Variants in B3GALT5 observed in about 807,000 individuals in gnomAD.
B3GALT5 encodes beta-1,3-galactosyltransferase 5.
For synonymous variants in B3GALT5, 156 were observed against 158.6 expected (o/e 0.98, Z 0.12); for missense variants, 328 against 396.6 (o/e 0.83, Z 1.47).
Position 39,664,263 on chromosome 21 carries a change from C to T in B3GALT5, c.*2771C>T, listed in dbSNP as rs1481501446. 1.3e-5 allele frequency: 2 copies of T among 152,414 alleles called. No homozygotes were observed. Among genetic ancestry groups the T allele is most frequent in the African/African-American group, 4.8e-5 (2 of 41,430 alleles). 9.4% of individuals were successfully genotyped at this position (152,414 alleles called of 1,614,324 possible). A position where few individuals can be genotyped will look rare whatever the true frequency, so the allele number is the denominator to read the frequency against. ...ATTGCATTGGCTGCTCCCACTGCCTCTCTGGGGTGCCTCCTCAGACTCCCC... is the reference window on the plus strand; with the variant it reads ...ATTGCATTGGCTGCTCCCACTGCCTTTCTGGGGTGCCTCCTCAGACTCCCC... On this transcript the variant is annotated 3_prime_UTR_variant, in exon 4 of 4. Coordinates refer to ENST00000684187, the MANE Select transcript of B3GALT5 (RefSeq NM_001356336.2).
At position 39,638,501 on chromosome 21, in the gene B3GALT5, C is replaced by T. The variant is rs556673462; in HGVS notation, c.-391-7891C>T. ...GACTCCAGGGGAAAACCATCTCCCTCCTGGCTCCCCCATCTGCTGAGAGTT... is the reference window on the plus strand; with the variant it reads ...GACTCCAGGGGAAAACCATCTCCCTTCTGGCTCCCCCATCTGCTGAGAGTT... On this transcript the variant is annotated intron_variant, in intron 1 of 3. Transcript: ENST00000684187. Among the ~76,000 whole-genome samples the T allele has an allele frequency of 2.6e-5, 4 of 152,314 alleles. No individual in the cohort carries two copies. The South Asian group carries it at 8.3e-4, about 32-fold the overall frequency.
At chr21:39,655,797 A>C in intron 2 of B3GALT5, among the ~76,000 whole-genome samples, 1 of 152,098 alleles carries the variant, frequency 6.6e-6, no homozygotes, top group Non-Finnish European at 1.5e-5. Flanking sequence ...AGCTGCGGGG[A>C]GGCTCCAGGC....
chr21:39,628,573 T>G (rs372610268), intron 1 of B3GALT5, among the ~76,000 whole-genome samples: 4 of 152,242 alleles, frequency 2.6e-5, no homozygotes, highest in African/African-American at 7.2e-5. Flanking sequence ...CTTTGTCACA[T>G]GACTCCATAT....
chr21:39,650,579 C>G (rs1324754686), intron 2 of B3GALT5, among the ~76,000 whole-genome samples: 1 of 152,140 alleles, frequency 6.6e-6, no homozygotes, highest in Admixed American at 6.5e-5. Flanking sequence ...TTGAAATTCC[C>G]TTTCAACCAA....
At chr21:39,639,923 C>G (rs892504592) in intron 1 of B3GALT5, among the ~76,000 whole-genome samples, 1 of 152,100 alleles carries the variant, frequency 6.6e-6, no homozygotes, top group Non-Finnish European at 1.5e-5. Context: ...GGCTAAATAA[C>G]AAGCTGTCAA....
intron 1 of B3GALT5, among the ~76,000 whole-genome samples, chr21:39,622,414 G>A (rs1341936247): frequency 6.6e-6 from 1 of 151,996 alleles, no homozygotes; most frequent in Non-Finnish European, 1.5e-5. Context: ...TTTTGATGCT[G>A]TGTTGTTGAA....
At chr21:39,656,890 G>A (rs1462149731) in intron 2 of B3GALT5, among the ~76,000 whole-genome samples, 1 of 152,168 alleles carries the variant, frequency 6.6e-6, no homozygotes, top group African/African-American at 2.4e-5. Flanking sequence ...AATGTACCCA[G>A]CAACCAGCTT....
chr21:39,646,669 C>T (rs2079342800), intron 2 of B3GALT5, 47 bp downstream of exon 2: 1 of 151,988 alleles, frequency 6.6e-6, no homozygotes, highest in South Asian at 2.1e-4. Flanking sequence ...AAAATACAAT[C>T]CCAATAATTA....
rs2079543535 is a variant in B3GALT5 at position 39,662,958 on chromosome 21, A to G, written c.*1466A>G. The G allele has an allele frequency of 2.5e-5, 4 of 157,920 alleles. No homozygotes were observed. In the Admixed American group the frequency reaches 2.6e-4, roughly 10 times the overall value. The allele number at this position is 157,920 out of a possible 1,614,324, so 9.8% of individuals were successfully genotyped here. A position where few individuals can be genotyped will look rare whatever the true frequency, so the allele number is the denominator to read the frequency against. ...ATGTTCAATTGCAAAAGTACGTCTGATATCCTATTTTGCATACCATTTCTT... is the reference window on the plus strand; with the variant it reads ...ATGTTCAATTGCAAAAGTACGTCTGGTATCCTATTTTGCATACCATTTCTT... On this transcript the variant is annotated 3_prime_UTR_variant, in exon 4 of 4. Coordinates refer to ENST00000684187, the MANE Select transcript of B3GALT5 (RefSeq NM_001356336.2).
chr21:39,622,824 CA>C (rs2123686856), intron 1 of B3GALT5, among the ~76,000 whole-genome samples: 2 of 151,814 alleles, frequency 1.3e-5, no homozygotes, highest in African/African-American at 4.8e-5. Context: ...TGGATTGATA[CA>C]GTTTTCTACA....
chr21:39,627,183 C>T (rs953137864), intron 1 of B3GALT5, among the ~76,000 whole-genome samples: 23 of 152,208 alleles, frequency 1.5e-4, no homozygotes, highest in Non-Finnish European at 3.1e-4. Flanking sequence ...TTCTGGCTCC[C>T]AGATTTCCTG....
In B3GALT5 at chr21:39,671,161, C is replaced by G. The variant is rs1379829972; in HGVS notation, c.*9669C>G. 2 of 152,174 alleles carry G rather than the reference C, an allele frequency of 1.3e-5. No homozygotes were observed. Among genetic ancestry groups the G allele is most frequent in the East Asian group, 3.8e-4 (2 of 5,196 alleles). 9.4% of individuals were successfully genotyped at this position (152,174 alleles called of 1,614,324 possible). On this transcript the variant is annotated 3_prime_UTR_variant, in exon 4 of 4. Coordinates refer to ENST00000684187, the MANE Select transcript of B3GALT5 (RefSeq NM_001356336.2). Reference sequence around the variant, plus strand: ...TTCATGACAGCAGAACCCTCCTGACCCAGTCACCTCTTAAAAGGTCCCACC... The same window carrying G: ...TTCATGACAGCAGAACCCTCCTGACGCAGTCACCTCTTAAAAGGTCCCACC...
At position 39,661,808 on chromosome 21, in the gene B3GALT5, G is replaced by A. The variant is rs527829871; in HGVS notation, c.*316G>A. On this transcript the variant is annotated 3_prime_UTR_variant, in exon 4 of 4. Transcript: ENST00000684187. This position sits in a 1 kb window ranked among gnomAD's most constrained non-coding sequence, Gnocchi z 4.7. Reference sequence around the variant, plus strand: ...TTACAGGCAAGGACACAGCAGCTGCGAGAGGTACAGAAACTTGTCCCAAGG... The same window carrying A: ...TTACAGGCAAGGACACAGCAGCTGCAAGAGGTACAGAAACTTGTCCCAAGG... 2.7e-5 allele frequency: 6 copies of A among 224,966 alleles called. No homozygotes were observed. The highest frequency in any genetic ancestry group is 1.7e-4 in the South Asian group (1 of 5,934). The allele number at this position is 224,966 out of a possible 1,614,324, so 13.9% of individuals were successfully genotyped here.
chr21:39,658,415 C>T (rs1334461168), intron 2 of B3GALT5, among the ~76,000 whole-genome samples: 1 of 152,058 alleles, frequency 6.6e-6, no homozygotes, highest in Admixed American at 6.5e-5. Context: ...GTTAAAGCAA[C>T]CCATAGAAAA....
At position 39,651,705 on chromosome 21, in the gene B3GALT5, C is replaced by T. The variant is rs76896485; in HGVS notation, c.-161+5083C>T. Among the ~76,000 whole-genome samples, 646 of 152,258 alleles carry T rather than the reference C, an allele frequency of 4.2e-3. 6 individuals carry two copies. The highest frequency in any genetic ancestry group is 0.014 in the African/African-American group (591 of 41,556). ...CACCAAAAGAAATCACTTATTTTCA[C>T]ATCGCACCGTAGTAGCAGTGGACAT... On this transcript the variant is annotated intron_variant, in intron 2 of 3. Transcript: ENST00000684187.
intron 2 of B3GALT5, among the ~76,000 whole-genome samples, chr21:39,659,129 ACTTGG>A (rs2079482453): frequency 6.6e-6 from 1 of 152,172 alleles, no homozygotes; most frequent in South Asian, 2.1e-4. Flanking sequence ...GGTCACAGCT[ACTTGG>A]GAAGCTGTGA....
intron 1 of B3GALT5, among the ~76,000 whole-genome samples, chr21:39,629,523 T>C (rs572348999): frequency 1.1e-4 from 17 of 152,222 alleles, no homozygotes; most frequent in Non-Finnish European, 2.5e-4. Flanking sequence ...TGCTATTTTC[T>C]ATAAAACTTT....
chr21:39,627,046 G>C (rs1299507358), intron 1 of B3GALT5, among the ~76,000 whole-genome samples: 1 of 152,120 alleles, frequency 6.6e-6, no homozygotes, highest in Non-Finnish European at 1.5e-5. Flanking sequence ...TTGGTACTGT[G>C]GAGGGGGGGA....
At chr21:39,652,013 G>T (rs2079400086) in intron 2 of B3GALT5, among the ~76,000 whole-genome samples, 1 of 152,174 alleles carries the variant, frequency 6.6e-6, no homozygotes, top group Non-Finnish European at 1.5e-5. Flanking sequence ...GTTGTGGGGG[G>T]TGCTTGTGGC....
Sources: allele counts gnomAD v4.1 joint callset (sites outside exome capture counted in the v4.1 genomes callset), GRCh38; gene constraint gnomAD v4.1.1; non-coding constraint Gnocchi (gnomAD v3.1); transcripts MANE v1.5; gene names NCBI Gene and HGNC (gene_info 2026-07-23, HGNC 2026-07-21).